ZFHX4: variants seen among roughly 807,000 people sequenced by gnomAD.
The protein encoded by ZFHX4 is zinc finger homeobox protein 4.
ZFHX4 carries 56 observed loss-of-function variants against 267.6 expected under a neutral mutation model. That is an observed-to-expected ratio of 0.21 (90% confidence interval 0.17 to 0.26). ZFHX4 has a LOEUF of 0.26. Among genes scored for constraint, ZFHX4 ranks in the 10% least tolerant of loss-of-function variants. The pLI is 1.00. For synonymous variants in ZFHX4, 1,778 were observed against 1,665.6 expected (o/e 1.07, Z -1.64); for missense variants, 4,332 against 4,420.0 (o/e 0.98, Z 0.56).
intron 3 of ZFHX4, among the ~76,000 whole-genome samples, chr8:76,750,419 A>G (rs1321274159): frequency 2.6e-5 from 4 of 152,158 alleles, no homozygotes; most frequent in Non-Finnish European, 5.9e-5. Flanking sequence ...TAAATGGAGT[A>G]AGAAGTAAAT....
intron 4 of ZFHX4, among the ~76,000 whole-genome samples, chr8:76,817,012 A>T (rs1811523924): frequency 6.6e-6 from 1 of 152,188 alleles, no homozygotes; most frequent in Non-Finnish European, 1.5e-5. Context: ...CAGTTTGAGA[A>T]ATGGCAGATC....
At position 76,839,092 on chromosome 8, in the gene ZFHX4, A is replaced by AG. The variant is rs1336211965; in HGVS notation, c.3395-3562dup. Among the ~76,000 whole-genome samples, 17 of 150,152 alleles carry AG rather than the reference A, an allele frequency of 1.1e-4. No individual in the cohort carries two copies. The East Asian group carries it at 3.3e-3, about 29-fold the overall frequency. The stretch of plus-strand genomic sequence containing the variant: ...GAGAGAGAGAGAGAGAGAGAGAGAG[A>AG]GAGAGAGAAGGACAATGGGAAATAA... On this transcript the variant is annotated intron_variant, in intron 5 of 10. Transcript: ENST00000651372.
At chr8:76,836,292 G>T (rs752706013) in intron 5 of ZFHX4, among the ~76,000 whole-genome samples, 1 of 152,250 alleles carries the variant, frequency 6.6e-6, no homozygotes, top group Non-Finnish European at 1.5e-5. Flanking sequence ...GTGCAACCAA[G>T]GAACTTGTAA....
chr8:76,847,990 A>T (rs575834111), intron 6 of ZFHX4, among the ~76,000 whole-genome samples: 1 of 152,310 alleles, frequency 6.6e-6, no homozygotes, highest in Admixed American at 6.5e-5. Flanking sequence ...CCAGTTGTCC[A>T]GTGATAGTGT....
chr8:76,864,597 T>C lies in ZFHX4; in HGVS notation c.*32T>C. ...AGACAGGATCCCGTGCTTAAAAAAA[T>C]AAAAAATAAAAAAATAAAAAAAAAA... is the stretch of plus-strand genomic sequence containing the variant. On this transcript the variant is annotated 3_prime_UTR_variant, in exon 11 of 11. Coordinates refer to ENST00000651372, the MANE Select transcript of ZFHX4 (RefSeq NM_024721.5). 3.8e-6 allele frequency: 5 copies of C among 1,298,824 alleles called. No individual in the cohort carries two copies. The highest frequency in any genetic ancestry group is 4.0e-6 in the Non-Finnish European group (4 of 1,009,760). 80.5% of individuals were successfully genotyped at this position (1,298,824 alleles called of 1,614,324 possible).
In ZFHX4 at chr8:76,853,461, G is replaced by C. The variant is rs745775615; in HGVS notation, c.6540G>C (p.Thr2180=). ...QKVIKHWFRN[T]LFKERQRNKD... Reference sequence around the variant, plus strand: ...TTATCAAACACTGGTTTAGAAATACGCTTTTTAAGGAACGACAGAGAAATA... The same window carrying C: ...TTATCAAACACTGGTTTAGAAATACCCTTTTTAAGGAACGACAGAGAAATA... The change falls in exon 10 of 11, where the codon ACG becomes ACC. Residue 2180 remains threonine (T), a synonymous_variant. Transcript: ENST00000651372. 1.2e-6 allele frequency: 2 copies of C among 1,613,728 alleles called. No individual in the cohort carries two copies. The highest frequency in any genetic ancestry group is 2.2e-5 in the East Asian group (1 of 44,860).
In ZFHX4 at chr8:76,863,429, G is replaced by A. The variant is rs1227663100; in HGVS notation, c.9715G>A (p.Asp3239Asn). Reference protein sequence around the residue: ...LGKVVGETHVDPIQLQALQNA... With the variant: ...LGKVVGETHVNPIQLQALQNA... Reference sequence around the variant, plus strand: ...CAAAGTTGTAGGTGAAACACATGTCGATCCTATTCAGTTGCAGGCATTACA... The same window carrying A: ...CAAAGTTGTAGGTGAAACACATGTCAATCCTATTCAGTTGCAGGCATTACA... The change falls in exon 11 of 11, where the codon GAT becomes AAT. Residue 3239 changes from aspartate to asparagine, a missense_variant. This residue lies in a region of ZFHX4 where 1,648 missense variants were observed against 1,625.0 expected (regional missense o/e 1.01). Transcript: ENST00000651372. 18 of 1,613,760 alleles carry A rather than the reference G, an allele frequency of 1.1e-5. No individual in the cohort carries two copies. The highest frequency in any genetic ancestry group is 1.4e-5 in the Non-Finnish European group (16 of 1,179,848).
rs190060135 is a variant in ZFHX4, at chr8:76,815,212, T to C, written c.3326-18126T>C. Among the ~76,000 whole-genome samples, 6 of 152,188 alleles carry C rather than the reference T, an allele frequency of 3.9e-5. No individual in the cohort carries two copies. In the East Asian group the frequency reaches 7.7e-4, roughly 20 times the overall value. Reference sequence around the variant, plus strand: ...AAAAGTATTAAGGGTTATGCAAATATAAAGGACAAGAAGGTTAATAATGTG... The same window carrying C: ...AAAAGTATTAAGGGTTATGCAAATACAAAGGACAAGAAGGTTAATAATGTG... On this transcript the variant is annotated intron_variant, in intron 4 of 10. Transcript: ENST00000651372.
At chr8:76,728,735 C>T (rs1433583473) in intron 3 of ZFHX4, among the ~76,000 whole-genome samples, 1 of 152,162 alleles carries the variant, frequency 6.6e-6, no homozygotes, top group Non-Finnish European at 1.5e-5. Context: ...TTAGTGACAA[C>T]TAACACAGTC....
chr8:76,862,993 A>G (rs2131979647), intron 10 of ZFHX4, 101 bp from the exon 11 acceptor site: 1 of 1,411,266 alleles, frequency 7.1e-7, no homozygotes, highest in Admixed American at 3.2e-5. Context: ...CTTTTCTGAT[A>G]TAGCAATGTC....
chr8:76,764,535 GT>G (rs1810002203), intron 3 of ZFHX4, among the ~76,000 whole-genome samples: 1 of 152,072 alleles, frequency 6.6e-6, no homozygotes, highest in Admixed American at 6.6e-5. Flanking sequence ...GAAAACAATG[GT>G]CTTGATAGAT....
chr8:76,810,703 A>G (rs1258953109), intron 4 of ZFHX4, among the ~76,000 whole-genome samples: 1 of 152,240 alleles, frequency 6.6e-6, no homozygotes, highest in African/African-American at 2.4e-5. Context: ...TGGAACCAGA[A>G]GAAGAAAAAT....
At chr8:76,710,314 G>C (rs909091389) in intron 3 of ZFHX4, among the ~76,000 whole-genome samples, 6 of 152,068 alleles carry the variant, frequency 3.9e-5, no homozygotes, top group Non-Finnish European at 5.9e-5. Context: ...ATTCCAAGTA[G>C]CATTGTGTTG....
intron 4 of ZFHX4, among the ~76,000 whole-genome samples, chr8:76,786,173 T>TA (rs1409065606): frequency 1.3e-5 from 2 of 152,072 alleles, no homozygotes; most frequent in East Asian, 3.9e-4. Flanking sequence ...TTTTAACTAT[T>TA]CTAGAAATTA....
At chr8:76,850,429 C>A in intron 9 of ZFHX4, 67 bp downstream of exon 9, 3 of 1,269,000 alleles carry the variant, frequency 2.4e-6, no homozygotes, top group Non-Finnish European at 3.3e-6. Flanking sequence ...TGGTGGTGCC[C>A]AAAGATTATT....
rs761957058 is a variant in ZFHX4 at position 76,851,257 on chromosome 8, G to A, written c.4336G>A (p.Ala1446Thr). 1.1e-4 allele frequency: 173 copies of A among 1,613,680 alleles called. No individual in the cohort carries two copies. The highest frequency in any genetic ancestry group is 1.4e-4 in the Non-Finnish European group (169 of 1,179,822). ...CCAGGCTTTAAAAAAACACTTGGAAGCAGGCCACCCTGAACTGAGTGAAGC... is the reference window on the plus strand; with the variant it reads ...CCAGGCTTTAAAAAAACACTTGGAAACAGGCCACCCTGAACTGAGTGAAGC... ...TFQALKKHLEAGHPELSEAEL... is the reference protein window; with the variant it reads ...TFQALKKHLETGHPELSEAEL... Residue 1446 changes from alanine (A) to threonine (T), a missense_variant, in exon 10 of 11, where the codon GCA becomes ACA. Physicochemically the swap from Ala to Thr is moderately conservative, Grantham distance 58. This residue lies in a region of ZFHX4 where 1,371 missense variants were observed against 1,423.1 expected (regional missense o/e 0.96). Coordinates refer to ENST00000651372, the MANE Select transcript of ZFHX4 (RefSeq NM_024721.5).
chr8:76,788,774 T>C (rs1810760945), intron 4 of ZFHX4, among the ~76,000 whole-genome samples: 1 of 152,212 alleles, frequency 6.6e-6, no homozygotes, highest in Admixed American at 6.5e-5. Flanking sequence ...GGTTTTTAGT[T>C]CTTTGTATAC....
In ZFHX4 at chr8:76,853,754, G is replaced by A; in HGVS notation, c.6833G>A (p.Arg2278His). The A allele has an allele frequency of 1.2e-6, 2 of 1,613,592 alleles. No homozygotes were observed. The highest frequency in any genetic ancestry group is 1.7e-6 in the Non-Finnish European group (2 of 1,179,804). Residue 2278 changes from arginine to histidine, a missense_variant, in exon 10 of 11, where the codon CGT becomes CAT. By Grantham distance (29) the Arg-to-His change is conservative (BLOSUM62 0). Around this residue, in one of 7 missense-constraint regions of ZFHX4, gnomAD observed 4 missense variants for 16.6 expected, o/e 0.24. Transcript: ENST00000651372. ...ATTGTTGTATGGTTCCAGAATGCTC[G>A]TCAGAAAGCACGAAAGAGTTATGAG... ...RVIVVWFQNA[R>H]QKARKSYENQ...
intron 3 of ZFHX4, among the ~76,000 whole-genome samples, chr8:76,746,898 C>A (rs16939350): frequency 0.11 from 16,778 of 152,134 alleles, 1,538 homozygotes; most frequent in African/African-American, 0.25. Context: ...GCCGCAAACT[C>A]GACTAATGGA....
Sources: gnomAD v4.1 joint callset for allele counts (sites outside exome capture counted in the v4.1 genomes callset) on GRCh38, gnomAD v4.1.1 for gene constraint, gnomAD v4.1.1 regional missense constraint, MANE v1.5 for transcripts, NCBI Gene and HGNC (gene_info 2026-07-23, HGNC 2026-07-21) for gene names.